Variants in TSC22D1 observed in about 807,000 individuals in gnomAD.
TSC22D1 encodes TSC22 domain family protein 1.
Under a neutral mutation model 74.2 loss-of-function variants are expected in TSC22D1, and 9 were observed. That is an observed-to-expected ratio of 0.12 (90% CI 0.07 to 0.21). TSC22D1 has a LOEUF of 0.21. TSC22D1 is among the 10% of genes least tolerant of loss of function. TSC22D1 has a pLI of 1.00. For missense variants in TSC22D1, 1,427 were observed against 1,304.7 expected, an observed-to-expected ratio of 1.09 and a Z score of -1.44; for synonymous variants, 586 against 492.5, an observed-to-expected ratio of 1.19 and a Z score of -2.51.
intron 1 of TSC22D1, among the ~76,000 whole-genome samples, chr13:44,451,892 G>A (rs1214634772): frequency 6.6e-6 from 1 of 152,232 alleles, no homozygotes; most frequent in East Asian, 1.9e-4. Context: ...CGCCATGGCT[G>A]ACCGAGGAGA....
intron 1 of TSC22D1, among the ~76,000 whole-genome samples, chr13:44,456,333 T>C (rs914547810): frequency 1.3e-5 from 2 of 152,206 alleles, no homozygotes; most frequent in Non-Finnish European, 2.9e-5. Context: ...TGGTCCATTT[T>C]ACAGAGCACT....
intron 1 of TSC22D1, among the ~76,000 whole-genome samples, chr13:44,531,243 G>C (rs1444494341): frequency 1.3e-5 from 2 of 152,050 alleles, no homozygotes; most frequent in East Asian, 3.9e-4. Context: ...TACACTTACT[G>C]GTCAACTATT....
intron 1 of TSC22D1, among the ~76,000 whole-genome samples, chr13:44,511,983 T>C (rs950113710): frequency 6.6e-6 from 1 of 152,142 alleles, no homozygotes; most frequent in African/African-American, 2.4e-5. Context: ...GCTTTTCTCA[T>C]TCTCATTCTA....
chr13:44,486,500 A>G (rs1410626249), intron 1 of TSC22D1, among the ~76,000 whole-genome samples: 1 of 152,202 alleles, frequency 6.6e-6, no homozygotes, highest in Non-Finnish European at 1.5e-5. Context: ...AAAATTTGCT[A>G]GAACTCTAAG....
intron 1 of TSC22D1, chr13:44,539,567 C>G (rs1881345013): frequency 2.0e-6 from 2 of 985,214 alleles, no homozygotes; most frequent in African/African-American, 1.7e-5. Flanking sequence ...TCATCCACTG[C>G]TTTAATTATC....
At chr13:44,497,101 G>A (rs1361808580) in intron 1 of TSC22D1, among the ~76,000 whole-genome samples, 1 of 152,104 alleles carries the variant, frequency 6.6e-6, no homozygotes, top group African/African-American at 2.4e-5. Flanking sequence ...GACACTACCT[G>A]TTCTAATGTT....
At chr13:44,441,669 G>A (rs1241544256) in intron 1 of TSC22D1, among the ~76,000 whole-genome samples, 2 of 152,104 alleles carry the variant, frequency 1.3e-5, no homozygotes, top group South Asian at 2.1e-4. Context: ...AAGTGGCTGC[G>A]TCTAAGGCAC....
rs988929126 is a variant in TSC22D1 at position 44,432,284 on chromosome 13, A to G, written c.*2342T>C. 1 of 152,208 alleles carries G rather than the reference A, an allele frequency of 6.6e-6. No individual in the cohort carries two copies. The highest frequency in any genetic ancestry group is 1.5e-5 in the Non-Finnish European group (1 of 68,042). 9.4% of individuals were successfully genotyped at this position (152,208 alleles called of 1,614,324 possible). Reference sequence around the variant, plus strand: ...AAAAACTTCTCCACCATCTTAATACACTGACATGAGATTTTTCAAATTTTC... The same window carrying G: ...AAAAACTTCTCCACCATCTTAATACGCTGACATGAGATTTTTCAAATTTTC... On this transcript the variant is annotated 3_prime_UTR_variant, in exon 3 of 3. Transcript: ENST00000458659.
At chr13:44,559,837 G>A (rs769504241) in intron 1 of TSC22D1, among the ~76,000 whole-genome samples, 7 of 151,984 alleles carry the variant, frequency 4.6e-5, no homozygotes, top group Non-Finnish European at 7.4e-5. Flanking sequence ...GACTGCAGGT[G>A]TGTGCCACCA....
rs1046418875 is a variant in TSC22D1 at position 44,537,097 on chromosome 13, G to C, written c.2912+36066C>G. On this transcript the variant is annotated intron_variant, in intron 1 of 2. Transcript: ENST00000458659. The stretch of plus-strand genomic sequence containing the variant: ...AACAGAAATAAGCCATTATCAGTAA[G>C]TGCATTTTTTTCATGGAGAAAATAT... 4.3e-6 allele frequency: 4 copies of C among 928,642 alleles called. No individual in the cohort carries two copies. The African/African-American group carries it at 7.1e-5, about 17-fold the overall frequency. 57.5% of individuals were successfully genotyped at this position (928,642 alleles called of 1,614,324 possible). A position where few individuals can be genotyped will look rare whatever the true frequency, so the allele number is the denominator to read the frequency against.
chr13:44,449,193 G>A (rs1221962093), intron 1 of TSC22D1, among the ~76,000 whole-genome samples: 1 of 152,180 alleles, frequency 6.6e-6, no homozygotes, highest in African/African-American at 2.4e-5. Flanking sequence ...GCTGACAGGG[G>A]CACTCAGATC....
intron 1 of TSC22D1, among the ~76,000 whole-genome samples, chr13:44,540,393 G>GC (rs1290233013): frequency 1.3e-5 from 2 of 152,138 alleles, no homozygotes; most frequent in African/African-American, 2.4e-5. Context: ...AGTCTAAGAA[G>GC]CTGAATTTCT....
At chr13:44,567,249 G>T (rs961786590) in intron 1 of TSC22D1, among the ~76,000 whole-genome samples, 1 of 152,200 alleles carries the variant, frequency 6.6e-6, no homozygotes, top group Non-Finnish European at 1.5e-5. Flanking sequence ...CCTTCTTATA[G>T]GGATCTAACC....
At chr13:44,467,422 T>G (rs1877351640) in intron 1 of TSC22D1, among the ~76,000 whole-genome samples, 2 of 152,098 alleles carry the variant, frequency 1.3e-5, no homozygotes, top group Non-Finnish European at 2.9e-5. Flanking sequence ...ACTAAAAGCT[T>G]CTGCACAGCA....
chr13:44,442,297 C>G (rs908757816), intron 1 of TSC22D1, among the ~76,000 whole-genome samples: 1 of 152,106 alleles, frequency 6.6e-6, no homozygotes, highest in Non-Finnish European at 1.5e-5. Context: ...GGCATAAAAA[C>G]AAGCAGGGAA....
Position 44,459,521 on chromosome 13 carries a change from C to T in TSC22D1, c.2913-23426G>A, listed in dbSNP as rs7999511. Among the ~76,000 whole-genome samples, 799 of 152,290 alleles carry T rather than the reference C, an allele frequency of 5.2e-3. 7 individuals carry two copies. Among genetic ancestry groups the T allele is most frequent in the African/African-American group, 0.018 (754 of 41,558 alleles). On this transcript the variant is annotated intron_variant, in intron 1 of 2. Coordinates refer to ENST00000458659, the MANE Select transcript of TSC22D1 (RefSeq NM_183422.4). The stretch of plus-strand genomic sequence containing the variant: ...CCACATACCTCATTCTTCCTGGACA[C>T]GAGACAAGAACCCAGGACCTGCCGA...
Position 44,575,639 on chromosome 13 carries a change from T to A in TSC22D1, c.436A>T (p.Thr146Ser). Residue 146 changes from threonine to serine, a missense_variant, in exon 1 of 3, where the codon ACG becomes TCG. This residue lies in a region of TSC22D1 where 1,343 missense variants were observed against 1,191.5 expected (regional missense o/e 1.13). Coordinates refer to ENST00000458659, the MANE Select transcript of TSC22D1 (RefSeq NM_183422.4). ...ESYDDLDESH[T>S]EDLSSSEILD... ...ATCTCCGAAGAAGAGAGATCTTCCG[T>A]GTGAGATTCATCCAGATCATCATAG... is the stretch of plus-strand genomic sequence containing the variant. The A allele has an allele frequency of 6.2e-7, 1 of 1,614,226 alleles. No individual in the cohort carries two copies.
intron 1 of TSC22D1, among the ~76,000 whole-genome samples, chr13:44,547,445 G>A (rs1881899635): frequency 6.6e-6 from 1 of 152,104 alleles, no homozygotes; most frequent in Non-Finnish European, 1.5e-5. Flanking sequence ...ACATTAAATA[G>A]CAAGTGTGGA....
At chr13:44,499,214 T>C (rs1489599414) in intron 1 of TSC22D1, among the ~76,000 whole-genome samples, 1 of 152,198 alleles carries the variant, frequency 6.6e-6, no homozygotes, top group Non-Finnish European at 1.5e-5. Flanking sequence ...CATTAGATAA[T>C]ATGCTGGAAA....
Sources: gnomAD v4.1 joint callset for allele counts (sites outside exome capture counted in the v4.1 genomes callset) on GRCh38, gnomAD v4.1.1 for gene constraint, gnomAD v4.1.1 regional missense constraint, MANE v1.5 for transcripts, NCBI Gene and HGNC (gene_info 2026-07-23, HGNC 2026-07-21) for gene names.